Variants in PDZD2 observed in about 807,000 individuals in gnomAD.
PDZD2 encodes the protein PDZ domain containing 2, also known as PDZ domain-containing protein 2.
PDZD2 carries 90 observed loss-of-function variants against 220.7 expected under a neutral mutation model. That is an observed-to-expected ratio of 0.41 (90% confidence interval 0.34 to 0.49). The LOEUF (loss-of-function observed/expected upper bound fraction) is 0.49, where lower values mean the gene tolerates loss of function less well. PDZD2 is among the 20% of genes least tolerant of loss of function. The pLI is 0.28. For synonymous variants in PDZD2, 1,375 were observed against 1,450.5 expected, an observed-to-expected ratio of 0.95 and a Z score of 1.18; for missense variants, 3,174 against 3,608.5, an observed-to-expected ratio of 0.88 and a Z score of 3.08.
chr5:31,999,640 C>T (rs974503950), intron 4 of PDZD2, among the ~76,000 whole-genome samples: 2 of 152,192 alleles, frequency 1.3e-5, no homozygotes, highest in Non-Finnish European at 2.9e-5. Flanking sequence ...TAGTGTGAAT[C>T]ACAGGTGCCC....
chr5:31,785,423 A>T (rs1437957227), intron 1 of PDZD2, among the ~76,000 whole-genome samples: 5 of 147,836 alleles, frequency 3.4e-5, no homozygotes, highest in African/African-American at 7.4e-5. Context: ...TGTCATATAT[A>T]TTATATATAT....
Position 32,088,996 on chromosome 5 carries a change from A to C in PDZD2, c.5548A>C (p.Ser1850Arg), listed in dbSNP as rs1463416935. 2 of 1,613,994 alleles carry C rather than the reference A, an allele frequency of 1.2e-6. No individual in the cohort carries two copies. Among genetic ancestry groups the C allele is most frequent in the Admixed American group, 3.3e-5 (2 of 60,018 alleles). ...SQKKGVTVPHSPPQPKTNLEN... is the reference protein window; with the variant it reads ...SQKKGVTVPHRPPQPKTNLEN... ...AAAAAAGGGCGTTACTGTGCCTCAT[A>C]GCCCTCCTCAGCCGAAAACAAACCT... Residue 1850 changes from serine to arginine, a missense_variant, in exon 20 of 25, where the codon AGC becomes CGC. Physicochemically the swap from Ser to Arg is moderately radical, Grantham distance 110. This residue lies in a region of PDZD2 where 1,861 missense variants were observed against 2,001.0 expected (regional missense o/e 0.93). Transcript: ENST00000438447. The surrounding 1 kb of genome is among the most constrained non-coding windows in gnomAD (Gnocchi z 4.6).
intron 6 of PDZD2, among the ~76,000 whole-genome samples, chr5:32,017,656 C>T (rs1479021667): frequency 6.6e-6 from 1 of 152,118 alleles, no homozygotes; most frequent in African/African-American, 2.4e-5. Context: ...TTTGTGGTAG[C>T]ATCTCATTAA....
chr5:31,692,195 A>G (rs1478744590), intron 1 of PDZD2, among the ~76,000 whole-genome samples: 1 of 152,244 alleles, frequency 6.6e-6, no homozygotes, highest in Non-Finnish European at 1.5e-5. Context: ...AATTGAGCAC[A>G]GCAGCTGCTG....
chr5:31,744,825 C>T (rs1422852264), intron 1 of PDZD2, among the ~76,000 whole-genome samples: 2 of 152,170 alleles, frequency 1.3e-5, no homozygotes, highest in African/African-American at 4.8e-5. Context: ...AATCCTAGCA[C>T]TTTGGGAAGC....
intron 2 of PDZD2, among the ~76,000 whole-genome samples, chr5:31,901,057 T>C (rs1742048606): frequency 6.6e-6 from 1 of 152,176 alleles, no homozygotes. Context: ...AGAGCTGACC[T>C]TTCTAAGAAC....
At chr5:31,821,532 C>T (rs1755860592) in intron 2 of PDZD2, among the ~76,000 whole-genome samples, 1 of 152,048 alleles carries the variant, frequency 6.6e-6, no homozygotes, top group African/African-American at 2.4e-5. Flanking sequence ...AGGCGTGCAC[C>T]ACCACACTCA....
At chr5:31,966,277 T>C (rs73070413) in intron 2 of PDZD2, among the ~76,000 whole-genome samples, 1,554 of 152,320 alleles carry the variant, frequency 0.01, 23 homozygotes, top group African/African-American at 0.036. Flanking sequence ...ACACAGACTA[T>C]AGGTACTGTA....
chr5:31,936,416 A>C, intron 2 of PDZD2: 1 of 836,726 alleles, frequency 1.2e-6, no homozygotes, highest in Non-Finnish European at 1.4e-6. Context: ...AGGTCTTCCA[A>C]GGGTTTATTA....
intron 1 of PDZD2, among the ~76,000 whole-genome samples, chr5:31,647,507 T>C (rs1317643719): frequency 6.6e-6 from 1 of 152,198 alleles, no homozygotes; most frequent in Non-Finnish European, 1.5e-5. Context: ...CTTCCCTGCC[T>C]CTTGCAGCTT....
intron 19 of PDZD2, among the ~76,000 whole-genome samples, chr5:32,079,458 AACT>A (rs1054236740): frequency 4.0e-5 from 6 of 151,370 alleles, no homozygotes; most frequent in African/African-American, 1.5e-4. Context: ...TTGGTTAGCA[AACT>A]ACGGTGGTAG....
chr5:31,686,977 G>C (rs1389164671), intron 1 of PDZD2, among the ~76,000 whole-genome samples: 1 of 152,142 alleles, frequency 6.6e-6, no homozygotes, highest in Non-Finnish European at 1.5e-5. Context: ...GTGCAGGGCT[G>C]TGGAGTTGGT....
At chr5:31,923,012 G>A (rs539573545) in intron 2 of PDZD2, among the ~76,000 whole-genome samples, 1 of 151,598 alleles carries the variant, frequency 6.6e-6, no homozygotes, top group East Asian at 2.0e-4. Context: ...GCGCTTGCAG[G>A]CCGGGCGTGG....
At chr5:31,760,848 C>A (rs777339886) in intron 1 of PDZD2, among the ~76,000 whole-genome samples, 1 of 151,944 alleles carries the variant, frequency 6.6e-6, no homozygotes, top group Non-Finnish European at 1.5e-5. Flanking sequence ...CTTGAGCCCA[C>A]GAGGCAGAGG....
intron 1 of PDZD2, among the ~76,000 whole-genome samples, chr5:31,721,024 G>C (rs747845695): frequency 1.3e-5 from 2 of 152,158 alleles, no homozygotes; most frequent in Non-Finnish European, 2.9e-5. Context: ...AAGGCAGGAG[G>C]AGGTTGGAGT....
At chr5:32,097,225 T>C in intron 21 of PDZD2, 54 bp from the exon 22 acceptor site, 1 of 1,156,510 alleles carries the variant, frequency 8.6e-7, no homozygotes, top group African/African-American at 1.5e-5. Context: ...TGTTTTTCTT[T>C]CTTAATTTTT....
At chr5:31,838,918 G>A (rs1757105370) in intron 2 of PDZD2, among the ~76,000 whole-genome samples, 1 of 152,180 alleles carries the variant, frequency 6.6e-6, no homozygotes. Context: ...TCTCTCTAAT[G>A]GGTTGGGAGA....
intron 20 of PDZD2, among the ~76,000 whole-genome samples, chr5:32,091,578 C>A (rs1032079336): frequency 6.6e-6 from 1 of 152,078 alleles, no homozygotes; most frequent in Admixed American, 6.5e-5. Context: ...CCACTGCACC[C>A]GGCCACTTCT....
intron 1 of PDZD2, among the ~76,000 whole-genome samples, chr5:31,710,368 A>G (rs1195885683): frequency 3.3e-5 from 5 of 152,198 alleles, no homozygotes; most frequent in Non-Finnish European, 7.3e-5. Flanking sequence ...TATTAAATAA[A>G]GTTTCAATAA....
Sources: gnomAD v4.1 joint callset for allele counts (sites outside exome capture counted in the v4.1 genomes callset) on GRCh38, gnomAD v4.1.1 for gene constraint, gnomAD v4.1.1 regional missense constraint, Gnocchi (gnomAD v3.1) non-coding constraint, MANE v1.5 for transcripts, NCBI Gene and HGNC (gene_info 2026-07-23, HGNC 2026-07-21) for gene names.